Variants in RNGTT observed in about 807,000 individuals in gnomAD.
RNGTT encodes the protein RNA guanylyltransferase and 5'-phosphatase, also known as mRNA-capping enzyme.
RNGTT carries 33 observed loss-of-function variants against 79.3 expected under a neutral mutation model. The observed-to-expected ratio is 0.42, with a 90% CI of 0.32 to 0.56. The LOEUF (loss-of-function observed/expected upper bound fraction) is 0.56, where lower values mean the gene tolerates loss of function less well. Ranked by LOEUF, RNGTT falls within the 20% of genes least tolerant of loss-of-function variation. The pLI, the probability that RNGTT is intolerant of heterozygous loss-of-function variation, is 0.17. For synonymous variants in RNGTT, 222 were observed against 235.9 expected (o/e 0.94, Z 0.54); for missense variants, 497 against 739.1 (o/e 0.67, Z 3.80).
chr6:88,716,352 C>T (rs1320366475), intron 13 of RNGTT, among the ~76,000 whole-genome samples: 6 of 151,978 alleles, frequency 3.9e-5, no homozygotes, highest in Non-Finnish European at 8.8e-5. Flanking sequence ...AATAGGAACA[C>T]TTTTACACTG....
intron 13 of RNGTT, among the ~76,000 whole-genome samples, chr6:88,687,692 T>C (rs1416716013): frequency 1.3e-5 from 2 of 149,498 alleles, no homozygotes; most frequent in African/African-American, 2.5e-5. Flanking sequence ...AGAGGATATA[T>C]AGTATGCTAT....
At chr6:88,808,426 T>C (rs1247740300) in intron 11 of RNGTT, among the ~76,000 whole-genome samples, 1 of 152,068 alleles carries the variant, frequency 6.6e-6, no homozygotes. Context: ...AATAAGAACA[T>C]TCTCAAGTAA....
chr6:88,805,199 T>C (rs1333566036), intron 11 of RNGTT, among the ~76,000 whole-genome samples: 3 of 152,152 alleles, frequency 2.0e-5, no homozygotes, highest in Non-Finnish European at 4.4e-5. Flanking sequence ...GTGAAGTATA[T>C]GAACTCATGT....
intron 6 of RNGTT, among the ~76,000 whole-genome samples, chr6:88,893,047 A>T (rs1783102180): frequency 6.6e-6 from 1 of 152,060 alleles, no homozygotes; most frequent in African/African-American, 2.4e-5. Flanking sequence ...CTCTACTATT[A>T]TACCATTATT....
At chr6:88,847,885 G>GA (rs1042909222) in intron 10 of RNGTT, among the ~76,000 whole-genome samples, 10 of 149,532 alleles carry the variant, frequency 6.7e-5, no homozygotes, top group African/African-American at 2.2e-4. Context: ...ATATTAAGAA[G>GA]AAAAAAAAGA....
intron 13 of RNGTT, among the ~76,000 whole-genome samples, chr6:88,717,644 G>A (rs1286684659): frequency 6.6e-6 from 1 of 152,126 alleles, no homozygotes; most frequent in Non-Finnish European, 1.5e-5. Context: ...ACTGGATACT[G>A]GAGACACCAG....
At chr6:88,699,701 C>G (rs1028742800) in intron 13 of RNGTT, among the ~76,000 whole-genome samples, 1 of 152,010 alleles carries the variant, frequency 6.6e-6, no homozygotes, top group Non-Finnish European at 1.5e-5. Flanking sequence ...ATTTTTTTAA[C>G]GTGGTATGCA....
intron 12 of RNGTT, among the ~76,000 whole-genome samples, chr6:88,788,755 G>A (rs1434556397): frequency 6.6e-6 from 1 of 152,138 alleles, no homozygotes; most frequent in Admixed American, 6.5e-5. Flanking sequence ...AACCTCTGAT[G>A]TTCTATAATT....
intron 14 of RNGTT, among the ~76,000 whole-genome samples, chr6:88,652,329 C>A (rs1773828034): frequency 6.6e-6 from 1 of 152,076 alleles, no homozygotes. Flanking sequence ...ATCTTCTGAA[C>A]TGCAAACTTG....
intron 13 of RNGTT, among the ~76,000 whole-genome samples, chr6:88,728,206 T>C (rs1210456853): frequency 1.3e-5 from 2 of 152,268 alleles, no homozygotes; most frequent in South Asian, 2.1e-4. Context: ...CATCTAGTTA[T>C]TAACATAACC....
chr6:88,907,803 G>A (rs1783705261), intron 4 of RNGTT, among the ~76,000 whole-genome samples: 1 of 142,684 alleles, frequency 7.0e-6, no homozygotes, highest in Non-Finnish European at 1.5e-5. Flanking sequence ...TCAGTAGCAT[G>A]ATCAGGTTCC....
intron 13 of RNGTT, among the ~76,000 whole-genome samples, chr6:88,748,719 T>A (rs1156280056): frequency 2.0e-5 from 3 of 152,050 alleles, no homozygotes; most frequent in Admixed American, 1.3e-4. Context: ...CAGAAAATAT[T>A]TATTTGTTTA....
chr6:88,648,317 AC>A (rs1452186316), intron 14 of RNGTT, among the ~76,000 whole-genome samples: 1 of 151,992 alleles, frequency 6.6e-6, no homozygotes, highest in Non-Finnish European at 1.5e-5. Context: ...AAATATCAGT[AC>A]CCCCAATATT....
chr6:88,768,394 C>T (rs1778537367), intron 13 of RNGTT, among the ~76,000 whole-genome samples: 1 of 152,180 alleles, frequency 6.6e-6, no homozygotes, highest in Admixed American at 6.5e-5. Context: ...AGGCATGAGC[C>T]ACTGCACCCA....
chr6:88,928,138 G>A (rs1432131577), intron 4 of RNGTT, among the ~76,000 whole-genome samples: 1 of 152,128 alleles, frequency 6.6e-6, no homozygotes, highest in East Asian at 1.9e-4. Context: ...CTTGAGCCCA[G>A]GAGTTCAAGG....
At chr6:88,899,415 C>T (rs980867892) in intron 6 of RNGTT, among the ~76,000 whole-genome samples, 2 of 151,996 alleles carry the variant, frequency 1.3e-5, no homozygotes, top group Non-Finnish European at 2.9e-5. Flanking sequence ...GTAGCTGAGA[C>T]TACAAGTGCA....
intron 14 of RNGTT, among the ~76,000 whole-genome samples, chr6:88,670,230 T>C (rs756585009): frequency 1.3e-5 from 2 of 152,230 alleles, no homozygotes; most frequent in Admixed American, 6.5e-5. Context: ...GATTTGATCC[T>C]GGGTCTGTAT....
chr6:88,730,196 T>C (rs931730194), intron 13 of RNGTT, among the ~76,000 whole-genome samples: 2 of 152,220 alleles, frequency 1.3e-5, no homozygotes, highest in Admixed American at 1.3e-4. Flanking sequence ...GTAAAATTCT[T>C]TGCCTTCTAC....
intron 2 of RNGTT, among the ~76,000 whole-genome samples, chr6:88,930,188 A>G (rs1289918771): frequency 2.0e-5 from 3 of 148,170 alleles, no homozygotes; most frequent in African/African-American, 7.4e-5. Flanking sequence ...GTATATACAT[A>G]TATACATAAA....
Sources: allele counts gnomAD v4.1 joint callset (sites outside exome capture counted in the v4.1 genomes callset), GRCh38; gene constraint gnomAD v4.1.1; transcripts MANE v1.5; gene names NCBI Gene and HGNC (gene_info 2026-07-23, HGNC 2026-07-21).